The following NR2C1 variants were observed in gnomAD, a reference collection of about 807,000 sequenced individuals.
The protein encoded by NR2C1 is TR2 nuclear hormone receptor.
A neutral mutation model predicts 74.8 loss-of-function variants in NR2C1; 33 were observed. That is an observed-to-expected ratio of 0.44 (90% CI 0.33 to 0.59). The LOEUF is 0.59. Among genes scored for constraint, NR2C1 ranks in the 20% least tolerant of loss-of-function variants. The probability of loss-of-function intolerance (pLI) is 0.02; values close to 1 mark genes in which losing one functional copy is unlikely to be tolerated. For synonymous variants in NR2C1, 225 were observed against 240.6 expected, an observed-to-expected ratio of 0.94 and a Z score of 0.60; for missense variants, 568 against 715.6, an observed-to-expected ratio of 0.79 and a Z score of 2.35.
chr12:95,072,434 A>G (rs10859826), intron 1 of NR2C1, among the ~76,000 whole-genome samples: 51,903 of 137,264 alleles, frequency 0.38, 10,102 homozygotes, highest in Admixed American at 0.43. Context: ...GCTTGGCGAC[A>G]GTGAGACTCC....
intron 10 of NR2C1, among the ~76,000 whole-genome samples, chr12:95,035,500 TGTA>T (rs1870711522): frequency 6.6e-6 from 1 of 152,140 alleles, no homozygotes. Context: ...CTATGCATCT[TGTA>T]GTAAGAAAGT....
chr12:95,038,422 G>T (rs1436914648), intron 10 of NR2C1, among the ~76,000 whole-genome samples: 2 of 152,234 alleles, frequency 1.3e-5, no homozygotes, highest in Non-Finnish European at 2.9e-5. Flanking sequence ...ACATGTGAAT[G>T]TGAGTTACAA....
chr12:95,044,426 C>A (rs1872030469), intron 9 of NR2C1, among the ~76,000 whole-genome samples: 1 of 151,850 alleles, frequency 6.6e-6, no homozygotes, highest in Non-Finnish European at 1.5e-5. Flanking sequence ...CGCCACCACA[C>A]CCGGCTAATT....
intron 1 of NR2C1, among the ~76,000 whole-genome samples, chr12:95,068,368 T>C (rs1056431242): frequency 7.9e-5 from 12 of 152,316 alleles, no homozygotes; most frequent in South Asian, 2.1e-4. Context: ...GACATCACCA[T>C]AGGAATTTGG....
At chr12:95,048,972 T>C in intron 9 of NR2C1, 96 bp downstream of exon 9, 1 of 1,146,646 alleles carries the variant, frequency 8.7e-7, no homozygotes, top group Non-Finnish European at 1.3e-6. Flanking sequence ...GGGATATTTC[T>C]GACTTTAAAA....
chr12:95,051,781 T>C lies in NR2C1; in HGVS notation c.946A>G (p.Thr316Ala). 2 of 1,607,628 alleles carry C rather than the reference T, an allele frequency of 1.2e-6. No individual in the cohort carries two copies. The highest frequency in any genetic ancestry group is 1.7e-6 in the Non-Finnish European group (2 of 1,178,530). Residue 316 changes from threonine (T) to alanine (A), a missense_variant, in exon 8 of 14, where the codon ACC becomes GCC. Around this residue, in one of 6 missense-constraint regions of NR2C1, gnomAD observed 239 missense variants for 232.3 expected, o/e 1.03. Coordinates refer to ENST00000333003, the MANE Select transcript of NR2C1 (RefSeq NM_003297.4). The part of the protein sequence containing the change: ...TSLCEFQEMQ[T>A]NGDVSRAFDT... ...CCTTACCTTGAAACATCACCGTTGG[T>C]CTGCATTTCTTGAAATTCACACAAA...
chr12:95,040,618 G>T, intron 9 of NR2C1, 21 bp from the exon 10 acceptor site: 1 of 1,570,466 alleles, frequency 6.4e-7, no homozygotes, highest in Non-Finnish European at 8.7e-7. Flanking sequence ...CAGGGATTTA[G>T]GTAAATTATC....
At chr12:95,065,082 T>C (rs558558382) in intron 2 of NR2C1, among the ~76,000 whole-genome samples, 12 of 152,364 alleles carry the variant, frequency 7.9e-5, no homozygotes, top group Admixed American at 2.6e-4. Flanking sequence ...AATTGAATAT[T>C]TGGGCAATCC....
chr12:95,030,761 T>C, intron 11 of NR2C1: 3 of 1,609,830 alleles, frequency 1.9e-6, no homozygotes, highest in Non-Finnish European at 2.5e-6. Context: ...ATTTTCCCCA[T>C]TTGTTGATGG....
chr12:95,068,796 T>TAAA (rs540601210), intron 1 of NR2C1, among the ~76,000 whole-genome samples: 2 of 128,910 alleles, frequency 1.6e-5, no homozygotes. Flanking sequence ...TTCTGTCTCA[T>TAAA]AAAAAAAAAA....
intron 7 of NR2C1, among the ~76,000 whole-genome samples, chr12:95,053,232 C>T (rs566365135): frequency 7.2e-4 from 109 of 152,236 alleles, no homozygotes; most frequent in African/African-American, 2.6e-3. Context: ...CCACAGTTTC[C>T]CAAAGTGCTG....
At chr12:95,059,765 C>T in intron 4 of NR2C1, 141 bp downstream of exon 4, 1 of 598,108 alleles carries the variant, frequency 1.7e-6, no homozygotes, top group South Asian at 2.7e-5. Flanking sequence ...CAAATATGAA[C>T]CATAAAAACG....
chr12:95,072,098 A>C (rs1427341360), intron 1 of NR2C1, among the ~76,000 whole-genome samples: 1 of 149,114 alleles, frequency 6.7e-6, no homozygotes, highest in East Asian at 2.0e-4. Flanking sequence ...AGATATACTA[A>C]CTGGACTTAA....
intron 11 of NR2C1, chr12:95,030,449 C>A: frequency 7.2e-7 from 1 of 1,397,736 alleles, no homozygotes; most frequent in Non-Finnish European, 9.3e-7. Flanking sequence ...TGTAGAGGGA[C>A]ATGTTTAAAA....
chr12:95,067,479 A>C (rs1875891398), intron 1 of NR2C1, 88 bp from the exon 2 acceptor site: 2 of 1,072,666 alleles, frequency 1.9e-6, no homozygotes, highest in Non-Finnish European at 2.8e-6. Context: ...GATATTTAAG[A>C]TTTGCTTCAA....
intron 10 of NR2C1, among the ~76,000 whole-genome samples, chr12:95,037,697 C>A (rs563014455): frequency 6.6e-6 from 1 of 152,058 alleles, no homozygotes; most frequent in Non-Finnish European, 1.5e-5. Context: ...AGATCGAGAT[C>A]GGCCTGGCTA....
chr12:95,049,943 G>A (rs901359589), intron 8 of NR2C1, among the ~76,000 whole-genome samples: 10 of 152,024 alleles, frequency 6.6e-5, no homozygotes, highest in African/African-American at 2.4e-4. Context: ...GGGACTACAT[G>A]TGCGCACCAC....
intron 9 of NR2C1, among the ~76,000 whole-genome samples, chr12:95,047,542 T>G (rs767446368): frequency 6.6e-6 from 1 of 152,222 alleles, no homozygotes; most frequent in Non-Finnish European, 1.5e-5. Context: ...AAATATTACT[T>G]TGCACTCATA....
intron 4 of NR2C1, among the ~76,000 whole-genome samples, chr12:95,059,131 G>A (rs1169241731): frequency 6.0e-5 from 9 of 149,770 alleles, no homozygotes; most frequent in Admixed American, 3.3e-4. Flanking sequence ...GCAAAAGCCC[G>A]TCTCTACTGA....
Sources: allele counts gnomAD v4.1 joint callset (sites outside exome capture counted in the v4.1 genomes callset), GRCh38; gene constraint gnomAD v4.1.1; regional missense constraint gnomAD v4.1.1; transcripts MANE v1.5; gene names NCBI Gene and HGNC (gene_info 2026-07-23, HGNC 2026-07-21).